The following URI1 variants were observed in gnomAD, a reference collection of about 807,000 sequenced individuals.
URI1 encodes the protein unconventional prefoldin RPB5 interactor 1.
In URI1, 39 loss-of-function variants were observed where a neutral mutation model predicts 60.2. That is an observed-to-expected ratio of 0.65 (90% CI 0.50 to 0.85). URI1 has a LOEUF of 0.85. Ranked by LOEUF, URI1 falls within the 40% of genes least tolerant of loss-of-function variation. URI1 has a pLI of 0.00. For missense variants in URI1, 691 were observed against 665.9 expected, an observed-to-expected ratio of 1.04 and a Z score of -0.42; for synonymous variants, 251 against 236.8, an observed-to-expected ratio of 1.06 and a Z score of -0.55.
At chr19:29,971,354 C>T in intron 2 of URI1, 127 bp downstream of exon 2, 2 of 890,500 alleles carry the variant, frequency 2.2e-6, no homozygotes, top group Non-Finnish European at 3.5e-6. Flanking sequence ...TTCTAGTAGT[C>T]TCCATTTTGA....
rs1186745392 is a variant in URI1 at position 29,970,513 on chromosome 19, A to G, written c.118-680A>G. Among the ~76,000 whole-genome samples, 3 of 152,082 alleles carry G rather than the reference A, an allele frequency of 2.0e-5. No individual in the cohort carries two copies. The East Asian group carries it at 5.8e-4, about 29-fold the overall frequency. ...CTGAGCATTTTGAGAATCTACTGAC[A>G]TATCTCCAAGGAAAACAAATAACTT... On this transcript the variant is annotated intron_variant, in intron 1 of 10. Transcript: ENST00000392271.
At chr19:29,945,716 T>A (rs1599659967) in intron 1 of URI1, among the ~76,000 whole-genome samples, 1 of 152,210 alleles carries the variant, frequency 6.6e-6, no homozygotes, top group African/African-American at 2.4e-5. Context: ...AGCTGTTACG[T>A]AGGCATTGAA....
At position 30,015,496 on chromosome 19, in the gene URI1, C is replaced by T. The variant is rs2056074822; in HGVS notation, c.*427C>T. 1 of 1,520,756 alleles carries T rather than the reference C, an allele frequency of 6.6e-7. No individual in the cohort carries two copies. The highest frequency in any genetic ancestry group is 8.8e-7 in the Non-Finnish European group (1 of 1,142,796). The allele number at this position is 1,520,756 out of a possible 1,614,324, so 94.2% of individuals were successfully genotyped here. A position where few individuals can be genotyped will look rare whatever the true frequency, so the allele number is the denominator to read the frequency against. On this transcript the variant is annotated 3_prime_UTR_variant, in exon 11 of 11. Coordinates refer to ENST00000392271, the MANE Select transcript of URI1 (RefSeq NM_003796.3). ...TCAACAATTACATTACTTGCTTTCA[C>T]ATTTTAAAGGCACTTTAAAAAAATC... is the stretch of plus-strand genomic sequence containing the variant.
intron 2 of URI1, among the ~76,000 whole-genome samples, chr19:29,984,841 G>A (rs999538054): frequency 3.9e-5 from 6 of 151,984 alleles, no homozygotes; most frequent in Non-Finnish European, 7.4e-5. Flanking sequence ...TTTGAGTGAG[G>A]CCAGGTGCAG....
At chr19:29,949,652 A>C (rs2055153045) in intron 1 of URI1, among the ~76,000 whole-genome samples, 2 of 152,214 alleles carry the variant, frequency 1.3e-5, no homozygotes, top group African/African-American at 4.8e-5. Flanking sequence ...CTCCGTCTGC[A>C]ATCCCGGCAC....
At chr19:30,011,890 G>T (rs1235065087) in intron 9 of URI1, among the ~76,000 whole-genome samples, 1 of 134,324 alleles carries the variant, frequency 7.4e-6, no homozygotes, top group Non-Finnish European at 1.6e-5. Context: ...ACACACCGGG[G>T]TCTGTCATGG....
At chr19:29,929,036 G>T (rs1284650563) in intron 1 of URI1, among the ~76,000 whole-genome samples, 1 of 152,154 alleles carries the variant, frequency 6.6e-6, no homozygotes, top group Non-Finnish European at 1.5e-5. Flanking sequence ...CATTATCATG[G>T]TCACTAAACA....
chr19:29,955,395 T>A (rs1394619532), intron 1 of URI1, among the ~76,000 whole-genome samples: 1 of 152,226 alleles, frequency 6.6e-6, no homozygotes, highest in Non-Finnish European at 1.5e-5. Flanking sequence ...TAAATCACTT[T>A]ATGCATATGT....
At chr19:29,937,410 T>C (rs956131750), upstream of URI1, among the ~76,000 whole-genome samples, 1 of 152,220 alleles carries the variant, frequency 6.6e-6, no homozygotes, top group Non-Finnish European at 1.5e-5. Context: ...GAATAGGCTA[T>C]ACTTTCCTTT....
intron 4 of URI1, chr19:30,004,665 G>C (rs375596263): frequency 6.6e-6 from 1 of 152,044 alleles, no homozygotes; most frequent in Non-Finnish European, 1.5e-5. Flanking sequence ...GAAACCCCAT[G>C]TATTTTTTAG....
chr19:29,940,373 G>T (rs1265315831), upstream of URI1, among the ~76,000 whole-genome samples: 1 of 152,168 alleles, frequency 6.6e-6, no homozygotes, highest in African/African-American at 2.4e-5. Context: ...CTCAGGAGAG[G>T]CGTGGTGGCT....
intron 1 of URI1, among the ~76,000 whole-genome samples, chr19:29,964,464 G>T (rs12981482): frequency 0.086 from 10,694 of 124,384 alleles, 467 homozygotes; most frequent in Non-Finnish European, 0.094. Flanking sequence ...TTTTTGTTTT[G>T]TTTTTTTTTT....
intron 4 of URI1, among the ~76,000 whole-genome samples, chr19:29,998,882 T>C (rs1379307156): frequency 6.6e-6 from 1 of 152,104 alleles, no homozygotes; most frequent in Admixed American, 6.6e-5. Flanking sequence ...TTTTTTTGAC[T>C]CATTTCTATA....
At position 30,011,197 on chromosome 19, in the gene URI1, A is replaced by T; in HGVS notation, c.1139A>T (p.Gln380Leu). 6.2e-7 allele frequency: 1 copy of T among 1,611,136 alleles called. No individual in the cohort carries two copies. The highest frequency in any genetic ancestry group is 2.2e-5 in the East Asian group (1 of 44,666). Residue 380 changes from glutamine to leucine, a missense_variant, in exon 9 of 11, where the codon CAG becomes CTG. Transcript: ENST00000392271. ...KNSTGSGHSA[Q>L]ELPTIRTPAD... The stretch of plus-strand genomic sequence containing the variant: ...AGCACTGGCAGTGGCCACTCTGCCC[A>T]GGAGCTGCCGACCATCAGGACGCCT...
At chr19:29,943,124 A>C (rs2145224715) in intron 1 of URI1, among the ~76,000 whole-genome samples, 1 of 150,536 alleles carries the variant, frequency 6.6e-6, no homozygotes, top group East Asian at 1.9e-4. Context: ...TTAAACATTA[A>C]AAAAAAAAGA....
At chr19:29,983,448 A>G (rs2055623107) in intron 2 of URI1, 1 of 152,190 alleles carries the variant, frequency 6.6e-6, no homozygotes, top group Non-Finnish European at 1.5e-5. Flanking sequence ...TCAGGGAACT[A>G]AGCAGTAAGC....
At position 29,927,560 on chromosome 19, in the gene URI1, C is replaced by CTTTTT. The variant is rs3049080; in HGVS notation, c.63+3828_63+3832dup. ...TACAAGCATGAGCCACTGCACCCGGCTTTTTTTTTTTTTTTTTTTTTTTTT... is the reference window on the plus strand; with the variant it reads ...TACAAGCATGAGCCACTGCACCCGGCTTTTTTTTTTTTTTTTTTTTTTTTTTTTTT... On this transcript the variant is annotated intron_variant, in intron 1 of 10. Coordinates refer to the URI1 transcript ENST00000360605. 6.0e-4 allele frequency among the ~76,000 whole-genome samples: 24 copies of CTTTTT among 39,812 alleles called. 4 individuals carry two copies. Among genetic ancestry groups the CTTTTT allele is most frequent in the African/African-American group, 2.9e-3 (23 of 7,840 alleles). The allele number at this position is 39,812 out of a possible 152,430, so 26.1% of individuals were successfully genotyped here.
At chr19:30,014,731 T>C (rs1465525962) in intron 10 of URI1, among the ~76,000 whole-genome samples, 156 bp from the exon 11 acceptor site, 1 of 152,194 alleles carries the variant, frequency 6.6e-6, no homozygotes, top group Non-Finnish European at 1.5e-5. Context: ...GGTGTTGGTT[T>C]CTCTGAACAA....
chr19:30,015,494 CACATTTTAAAGGCACT>C lies in URI1; in HGVS notation c.*426_*441del. 1 of 1,520,158 alleles carries C rather than the reference CACATTTTAAAGGCACT, an allele frequency of 6.6e-7. No individual in the cohort carries two copies. Among genetic ancestry groups the C allele is most frequent in the South Asian group, 1.2e-5 (1 of 80,208 alleles). 94.2% of individuals were successfully genotyped at this position (1,520,158 alleles called of 1,614,324 possible). A position where few individuals can be genotyped will look rare whatever the true frequency, so the allele number is the denominator to read the frequency against. On this transcript the variant is annotated 3_prime_UTR_variant, in exon 11 of 11. Transcript: ENST00000392271. The stretch of plus-strand genomic sequence containing the variant: ...ATTCAACAATTACATTACTTGCTTT[CACATTTTAAAGGCACT>C]TTAAAAAAATCTACTTCTCTTGTAG...
Sources: gnomAD v4.1 joint callset for allele counts (sites outside exome capture counted in the v4.1 genomes callset) on GRCh38, gnomAD v4.1.1 for gene constraint, MANE v1.5 for transcripts, NCBI Gene and HGNC (gene_info 2026-07-23, HGNC 2026-07-21) for gene names.